Variants in PXDNL observed in about 807,000 individuals in gnomAD.
The protein encoded by PXDNL is peroxidasin like, also known as probable oxidoreductase PXDNL.
Under a neutral mutation model 150.8 loss-of-function variants are expected in PXDNL, and 145 were observed. The ratio of observed to expected loss-of-function variants is 0.96; its 90% CI spans 0.84 to 1.10. The LOEUF (loss-of-function observed/expected upper bound fraction) is 1.10, where lower values mean the gene tolerates loss of function less well. PXDNL is among the 50% of genes least tolerant of loss of function. PXDNL has a pLI of 0.00. For synonymous variants in PXDNL, 757 were observed against 725.7 expected, an observed-to-expected ratio of 1.04 and a Z score of -0.69; for missense variants, 2,087 against 1,873.9, an observed-to-expected ratio of 1.11 and a Z score of -2.10.
chr8:51,405,579 C>A (rs1808414248), intron 17 of PXDNL, among the ~76,000 whole-genome samples: 1 of 152,182 alleles, frequency 6.6e-6, no homozygotes, highest in South Asian at 2.1e-4. Context: ...TAAAGAAATA[C>A]TTTGTAAATT....
At chr8:51,577,579 AATCT>A (rs1207913499) in intron 3 of PXDNL, among the ~76,000 whole-genome samples, 2 of 139,824 alleles carry the variant, frequency 1.4e-5, no homozygotes, top group African/African-American at 2.8e-5. Context: ...ATATATATAA[AATCT>A]ATCTATCTAC....
intron 5 of PXDNL, among the ~76,000 whole-genome samples, chr8:51,487,351 A>T (rs373397448): frequency 6.6e-6 from 1 of 151,990 alleles, no homozygotes; most frequent in Non-Finnish European, 1.5e-5. Flanking sequence ...TCCCTTGAAA[A>T]TCCAGGAGAC....
intron 2 of PXDNL, among the ~76,000 whole-genome samples, chr8:51,622,077 G>A (rs1814270026): frequency 6.6e-6 from 1 of 152,182 alleles, no homozygotes; most frequent in South Asian, 2.1e-4. Context: ...TGGCAGAAGG[G>A]GAAGTCAGAT....
At chr8:51,322,856 GT>G (rs1805368167) in intron 21 of PXDNL, among the ~76,000 whole-genome samples, 1 of 152,234 alleles carries the variant, frequency 6.6e-6, no homozygotes, top group Non-Finnish European at 1.5e-5. Context: ...CACTTGGGCA[GT>G]GGCATCCACC....
chr8:51,483,093 A>G (rs1361810713), intron 6 of PXDNL, among the ~76,000 whole-genome samples: 1 of 152,252 alleles, frequency 6.6e-6, no homozygotes, highest in African/African-American at 2.4e-5. Flanking sequence ...GGGAGTGAAG[A>G]GACAGCTGGA....
chr8:51,325,435 A>AGG lies in PXDNL; in HGVS notation c.4147-4540_4147-4539dup, dbSNP rs1563357990. On this transcript the variant is annotated intron_variant, in intron 21 of 22. Transcript: ENST00000356297. ...CTCCTTGGCCTCCGTTGACACACAA[A>AGG]GGGGTTCTCTTCATTACTGCTGGGT... Among the ~76,000 whole-genome samples the AGG allele has an allele frequency of 4.6e-5, 7 of 152,270 alleles. No homozygotes were observed. In the South Asian group the frequency reaches 1.5e-3, roughly 32 times the overall value.
chr8:51,320,939 G>A lies in PXDNL; in HGVS notation c.4147-42C>T, dbSNP rs376862990. The A allele has an allele frequency of 3.4e-5, 48 of 1,419,292 alleles. No homozygotes were observed. In the African/African-American group the frequency reaches 4.0e-4, roughly 12 times the overall value. The allele number at this position is 1,419,292 out of a possible 1,614,324, so 87.9% of individuals were successfully genotyped here. A position where few individuals can be genotyped will look rare whatever the true frequency, so the allele number is the denominator to read the frequency against. Reference sequence around the variant, plus strand: ...AGGAAAGAAGAGTGGAAATTGAAGCGGATAGCAACAAAGCCAATCAATAAC... The same window carrying A: ...AGGAAAGAAGAGTGGAAATTGAAGCAGATAGCAACAAAGCCAATCAATAAC... On this transcript the variant is annotated intron_variant, in intron 21 of 22. Coordinates refer to ENST00000356297, the MANE Select transcript of PXDNL (RefSeq NM_144651.5).
intron 17 of PXDNL, among the ~76,000 whole-genome samples, chr8:51,389,143 T>C (rs1345900271): frequency 1.3e-5 from 2 of 152,048 alleles, no homozygotes; most frequent in Non-Finnish European, 2.9e-5. Context: ...TTCTTGGGAG[T>C]TTGGTTTGTC....
In PXDNL at chr8:51,475,109, C is replaced by T. The variant is rs747501458; in HGVS notation, c.557G>A (p.Cys186Tyr). 1.5e-5 allele frequency: 25 copies of T among 1,613,788 alleles called. No individual in the cohort carries two copies. The highest frequency in any genetic ancestry group is 2.7e-5 in the African/African-American group (2 of 74,926). The part of the protein sequence containing the change: ...RLDSNALVCD[C>Y]DLMWLGELLQ... ...AAGCTCCCCCAGCCACATCAGATCA[C>T]AGTCACAAACCAGGGCGTTGGAATC... is the stretch of plus-strand genomic sequence containing the variant. The change falls in exon 7 of 23, where the codon TGT (cysteine) becomes TAT (tyrosine). Residue 186 changes from cysteine (C) to tyrosine (Y), a missense_variant. Coordinates refer to ENST00000356297, the MANE Select transcript of PXDNL (RefSeq NM_144651.5).
At chr8:51,330,852 G>GT (rs1163619259) in intron 21 of PXDNL, among the ~76,000 whole-genome samples, 1 of 152,120 alleles carries the variant, frequency 6.6e-6, no homozygotes, top group African/African-American at 2.4e-5. Flanking sequence ...CCAATTATGG[G>GT]TAAGACTAGA....
intron 1 of PXDNL, among the ~76,000 whole-genome samples, chr8:51,719,818 T>A (rs13268711): frequency 0.53 from 81,099 of 151,824 alleles, 26,359 homozygotes; most frequent in Non-Finnish European, 0.7. Context: ...GAGTATCATA[T>A]GTTTCAGATG....
At chr8:51,757,116 T>C (rs1266448666) in intron 1 of PXDNL, among the ~76,000 whole-genome samples, 4 of 152,240 alleles carry the variant, frequency 2.6e-5, no homozygotes, top group Non-Finnish European at 5.9e-5. Flanking sequence ...ATCAAGAACC[T>C]AAGTGTTTCC....
At chr8:51,501,528 ACT>A (rs1003558871) in intron 4 of PXDNL, among the ~76,000 whole-genome samples, 3 of 151,658 alleles carry the variant, frequency 2.0e-5, no homozygotes, top group Non-Finnish European at 2.9e-5. Context: ...GTTCACATAC[ACT>A]CTCACATACA....
chr8:51,345,959 G>T lies in PXDNL; in HGVS notation c.3902-12C>A. ...TCTACTCCTACAGTCTGTGGGGAAA[G>T]AAGTAACCACAATAGCATCATGTGA... On this transcript the variant is annotated splice_polypyrimidine_tract_variant and intron_variant, in intron 19 of 22. Coordinates refer to ENST00000356297, the MANE Select transcript of PXDNL (RefSeq NM_144651.5). 1 of 1,515,070 alleles carries T rather than the reference G, an allele frequency of 6.6e-7. No individual in the cohort carries two copies. The highest frequency in any genetic ancestry group is 9.2e-7 in the Non-Finnish European group (1 of 1,089,858). 93.9% of individuals were successfully genotyped at this position (1,515,070 alleles called of 1,614,324 possible). A position where few individuals can be genotyped will look rare whatever the true frequency, so the allele number is the denominator to read the frequency against.
rs550689145 is a variant in PXDNL at position 51,401,994 on chromosome 8, A to G, written c.3557+6073T>C. ...ACAGCTGAACATGCAGAAGAAGGAAAAGCCAAGCCCACAGGAAAGGGGCAA... is the reference window on the plus strand; with the variant it reads ...ACAGCTGAACATGCAGAAGAAGGAAGAGCCAAGCCCACAGGAAAGGGGCAA... On this transcript the variant is annotated intron_variant, in intron 17 of 22. Coordinates refer to ENST00000356297, the MANE Select transcript of PXDNL (RefSeq NM_144651.5). Among the ~76,000 whole-genome samples, 277 of 152,338 alleles carry G rather than the reference A, an allele frequency of 1.8e-3. 2 individuals carry two copies. The highest frequency in any genetic ancestry group is 6.2e-3 in the African/African-American group (258 of 41,574).
At chr8:51,692,131 A>G (rs897259733) in intron 1 of PXDNL, among the ~76,000 whole-genome samples, 16 of 152,314 alleles carry the variant, frequency 1.1e-4, no homozygotes, top group Admixed American at 1.0e-3. Flanking sequence ...AACTAGCCTT[A>G]AAAGCAGAGT....
chr8:51,550,445 C>T (rs796811293), intron 4 of PXDNL, among the ~76,000 whole-genome samples: 1 of 152,132 alleles, frequency 6.6e-6, no homozygotes, highest in Non-Finnish European at 1.5e-5. Flanking sequence ...AAAAACCTAG[C>T]TAACCAAATC....
At chr8:51,413,735 GC>G (rs33957489) in intron 14 of PXDNL, among the ~76,000 whole-genome samples, 3,528 of 152,092 alleles carry the variant, frequency 0.023, 139 homozygotes, top group African/African-American at 0.08. Context: ...TTTTTTTATA[GC>G]TCTCTAACAT....
intron 8 of PXDNL, among the ~76,000 whole-genome samples, chr8:51,462,549 C>T (rs1810106446): frequency 6.6e-6 from 1 of 152,038 alleles, no homozygotes; most frequent in Admixed American, 6.6e-5. Flanking sequence ...GCAAGAATCT[C>T]AGAGCTCAAA....
Sources: allele counts gnomAD v4.1 joint callset (sites outside exome capture counted in the v4.1 genomes callset), GRCh38; gene constraint gnomAD v4.1.1; transcripts MANE v1.5; gene names NCBI Gene and HGNC (gene_info 2026-07-23, HGNC 2026-07-21).